The following MESP1 variants were observed in gnomAD, a reference collection of about 807,000 sequenced individuals.
The protein encoded by MESP1 is mesoderm posterior bHLH transcription factor 1.
MESP1 carries 22 observed loss-of-function variants against 15.2 expected under a neutral mutation model. The observed-to-expected ratio is 1.45, with a 90% CI of 1.04 to 2.07. The LOEUF is 2.07. Among genes scored for constraint, MESP1 ranks in the 30% most tolerant of loss-of-function variants. MESP1 has a pLI of 0.00. For missense variants in MESP1, 484 were observed against 411.9 expected (o/e 1.17, Z -1.51); for synonymous variants, 216 against 192.6 (o/e 1.12, Z -1.01).
At chr15:89,744,626 G>A in the MESP1 span, among the ~76,000 whole-genome samples, 1 of 152,252 alleles carries the variant, frequency 6.6e-6, no homozygotes, top group Non-Finnish European at 1.5e-5. Context: ...AGGTGAGACA[G>A]CGTAGAACAG....
At chr15:89,737,748 G>A in the MESP1 span, 1 of 1,613,976 alleles carries the variant, frequency 6.2e-7, no homozygotes, top group South Asian at 1.1e-5. Context: ...AGGGACCAGG[G>A]CTGATGCCCA....
At chr15:89,746,078 A>C (rs114090578), downstream of MESP1, among the ~76,000 whole-genome samples, 5 of 139,948 alleles carry the variant, frequency 3.6e-5, no homozygotes, top group African/African-American at 1.5e-4. Flanking sequence ...ACCTCCACAC[A>C]TACACACCTC....
downstream of MESP1, chr15:89,749,795 C>T (rs115635880): frequency 0.015 from 3,462 of 238,426 alleles, 126 homozygotes; most frequent in African/African-American, 0.071. Flanking sequence ...TTGCAAGAAC[C>T]CCTCCCACCT....
At chr15:89,749,788 C>A (rs887823682), downstream of MESP1, 2 of 231,994 alleles carry the variant, frequency 8.6e-6, no homozygotes, top group Middle Eastern at 1.7e-3. Context: ...CTAAAGATTG[C>A]AAGAACCCCT....
downstream of MESP1, among the ~76,000 whole-genome samples, chr15:89,747,396 C>T (rs997413304): frequency 2.0e-5 from 3 of 152,232 alleles, no homozygotes; most frequent in Non-Finnish European, 2.9e-5. Flanking sequence ...GGTTTCCCTG[C>T]GCTGGCCTTC....
chr15:89,745,653 C>T (rs1217916186), downstream of MESP1, among the ~76,000 whole-genome samples: 7 of 152,050 alleles, frequency 4.6e-5, no homozygotes, highest in East Asian at 1.3e-3. This position sits in a 1 kb window ranked among gnomAD's most constrained non-coding sequence, Gnocchi z 4.8. Context: ...GTCCCAGCTA[C>T]TCGGGAAAGC....
chr15:89,743,005 G>A, the MESP1 span, among the ~76,000 whole-genome samples: 1 of 152,236 alleles, frequency 6.6e-6, no homozygotes, highest in Non-Finnish European at 1.5e-5. Flanking sequence ...GTTCCGTTGT[G>A]TGTAATACCA....
the MESP1 span, among the ~76,000 whole-genome samples, chr15:89,737,371 G>C: frequency 2.0e-5 from 3 of 152,234 alleles, no homozygotes; most frequent in African/African-American, 7.2e-5. Context: ...GCATGTGGAG[G>C]AGGGTCTGTT....
the MESP1 span, among the ~76,000 whole-genome samples, chr15:89,734,004 T>TGC: frequency 6.6e-6 from 1 of 151,552 alleles, no homozygotes; most frequent in African/African-American, 2.4e-5. Context: ...TGTGTGTGTG[T>TGC]GTGTGTGTGC....
the MESP1 span, among the ~76,000 whole-genome samples, chr15:89,744,452 G>A: frequency 1.3e-5 from 2 of 152,234 alleles, no homozygotes; most frequent in Admixed American, 6.5e-5. Flanking sequence ...CTCTGGAGAC[G>A]AGGAAGGAGA....
At chr15:89,735,005 CTTCT>C in the MESP1 span, among the ~76,000 whole-genome samples, 1 of 150,812 alleles carries the variant, frequency 6.6e-6, no homozygotes, top group Non-Finnish European at 1.5e-5. Context: ...TCCTTCCTTC[CTTCT>C]TTCCTTCCGT....
chr15:89,738,388 A>T, the MESP1 span: 1 of 887,792 alleles, frequency 1.1e-6, no homozygotes, highest in Non-Finnish European at 1.7e-6. Context: ...GCACTTTGGG[A>T]GTCCGAGGCA....
the MESP1 span, chr15:89,738,275 G>T: frequency 6.5e-7 from 1 of 1,535,314 alleles, no homozygotes; most frequent in South Asian, 1.3e-5. Flanking sequence ...CCACATCTGA[G>T]GTTGTCTCTG....
downstream of MESP1, chr15:89,749,787 G>GC (rs775648042): frequency 7.3e-5 from 17 of 231,622 alleles, no homozygotes; most frequent in Non-Finnish European, 1.2e-4. Context: ...GCTAAAGATT[G>GC]CAAGAACCCC....
chr15:89,747,613 C>T (rs891592590), downstream of MESP1, among the ~76,000 whole-genome samples: 12 of 151,982 alleles, frequency 7.9e-5, no homozygotes, highest in Middle Eastern at 3.2e-3. Context: ...TGAGGCGCCC[C>T]CCAGTACCCT....
At chr15:89,736,492 G>A in the MESP1 span, among the ~76,000 whole-genome samples, 1 of 152,096 alleles carries the variant, frequency 6.6e-6, no homozygotes, top group Non-Finnish European at 1.5e-5. Context: ...AGTGAATAGA[G>A]AAGAGGTTCC....
chr15:89,751,032 G>C lies in MESP1; in HGVS notation c.200C>G (p.Pro67Arg), dbSNP rs765082101. Residue 67 changes from proline to arginine, a missense_variant, in exon 1 of 2, where the codon CCC (proline) becomes CGC (arginine). By Grantham distance (103) the Pro-to-Arg change is moderately radical. Transcript: ENST00000300057. ...GCGCGCGCCGCGCCTACCTACGGAG[G>C]GGGCGCGGGGGTCCCGGAGGGTGCC... is the stretch of plus-strand genomic sequence containing the variant. ...RPGTLRDPRA[P>R]SVGRRGARSS... The C allele has an allele frequency of 1.7e-5, 23 of 1,344,712 alleles. No homozygotes were observed. The Admixed American group carries it at 7.4e-4, about 43-fold the overall frequency. The allele number at this position is 1,344,712 out of a possible 1,614,324, so 83.3% of individuals were successfully genotyped here.
the MESP1 span, among the ~76,000 whole-genome samples, chr15:89,738,752 A>T: frequency 1.3e-5 from 2 of 152,134 alleles, no homozygotes; most frequent in African/African-American, 2.4e-5. Context: ...GCTGGGAGAA[A>T]AGAAGGGCTT....
the MESP1 span, among the ~76,000 whole-genome samples, chr15:89,736,940 C>T: frequency 6.6e-5 from 10 of 152,026 alleles, no homozygotes; most frequent in African/African-American, 9.7e-5. Context: ...TACAGGTGCC[C>T]GCTAGCACGC....
Sources: allele counts gnomAD v4.1 joint callset (sites outside exome capture counted in the v4.1 genomes callset), GRCh38; gene constraint gnomAD v4.1.1; non-coding constraint Gnocchi (gnomAD v3.1); transcripts MANE v1.5; gene names NCBI Gene and HGNC (gene_info 2026-07-23, HGNC 2026-07-21).